The following PRUNE2 variants were observed in gnomAD, a reference collection of about 807,000 sequenced individuals.
PRUNE2 encodes prune homolog 2 with BCH domain.
PRUNE2 carries 164 observed loss-of-function variants against 252.0 expected under a neutral mutation model. The observed-to-expected ratio is 0.65, with a 90% CI of 0.57 to 0.74. The LOEUF is 0.74. Ranked by LOEUF, PRUNE2 falls within the 30% of genes least tolerant of loss-of-function variation. The probability of loss-of-function intolerance (pLI) is 0.00; values close to 1 mark genes in which losing one functional copy is unlikely to be tolerated. For missense variants in PRUNE2, 3,495 were observed against 3,711.0 expected, an observed-to-expected ratio of 0.94 and a Z score of 1.51; for synonymous variants, 1,292 against 1,350.2, an observed-to-expected ratio of 0.96 and a Z score of 0.94.
intron 6 of PRUNE2, among the ~76,000 whole-genome samples, chr9:76,820,791 T>C (rs935406086): frequency 6.6e-6 from 1 of 152,136 alleles, no homozygotes; most frequent in Non-Finnish European, 1.5e-5. Flanking sequence ...TGGAAGAAAC[T>C]GGTTGGGAGA....
At chr9:76,631,598 G>A (rs952278869) in intron 15 of PRUNE2, among the ~76,000 whole-genome samples, 1 of 152,156 alleles carries the variant, frequency 6.6e-6, no homozygotes, top group South Asian at 2.1e-4. Flanking sequence ...TCTGCTCCAG[G>A]CTTTGTGCTC....
At chr9:76,830,899 C>T (rs2058632667) in intron 4 of PRUNE2, among the ~76,000 whole-genome samples, 1 of 151,666 alleles carries the variant, frequency 6.6e-6, no homozygotes, top group Non-Finnish European at 1.5e-5. Context: ...AAAACAATTG[C>T]CCATCTAGAA....
chr9:76,872,922 T>C (rs2061299242), intron 1 of PRUNE2, among the ~76,000 whole-genome samples: 1 of 152,172 alleles, frequency 6.6e-6, no homozygotes, highest in South Asian at 2.1e-4. Flanking sequence ...ATGTAATTAG[T>C]TAAGCTGAAA....
At chr9:76,725,962 G>A (rs1312030566) in intron 6 of PRUNE2, among the ~76,000 whole-genome samples, 2 of 152,200 alleles carry the variant, frequency 1.3e-5, no homozygotes, top group African/African-American at 4.8e-5. Context: ...TGTTCCCACA[G>A]AAGCCAAGAA....
intron 6 of PRUNE2, among the ~76,000 whole-genome samples, chr9:76,789,681 C>A (rs2131366894): frequency 6.6e-6 from 1 of 152,310 alleles, no homozygotes. Flanking sequence ...ACACTTATGG[C>A]TGGGAGACAG....
At chr9:76,796,398 T>C (rs947852807) in intron 6 of PRUNE2, among the ~76,000 whole-genome samples, 2 of 152,056 alleles carry the variant, frequency 1.3e-5, no homozygotes, top group African/African-American at 4.8e-5. Flanking sequence ...CCAGGAAGGA[T>C]AGGCAAAGAA....
intron 6 of PRUNE2, among the ~76,000 whole-genome samples, chr9:76,744,729 T>C (rs1416538723): frequency 6.6e-6 from 1 of 152,108 alleles, no homozygotes; most frequent in Admixed American, 6.5e-5. Flanking sequence ...TGTTTAATCG[T>C]CCTTGAGAAA....
chr9:76,628,790 T>C (rs757436938), intron 16 of PRUNE2, among the ~76,000 whole-genome samples: 1 of 151,972 alleles, frequency 6.6e-6, no homozygotes, highest in Non-Finnish European at 1.5e-5. Flanking sequence ...AAAAATAAGA[T>C]AGTGCCATTT....
At chr9:76,776,979 A>T (rs2053871113) in intron 6 of PRUNE2, among the ~76,000 whole-genome samples, 1 of 149,882 alleles carries the variant, frequency 6.7e-6, no homozygotes, top group Admixed American at 6.7e-5. Context: ...CTCAGCGGAG[A>T]TTCTCGGCAC....
intron 16 of PRUNE2, chr9:76,624,978 T>C: frequency 1.6e-6 from 2 of 1,245,806 alleles, no homozygotes; most frequent in Non-Finnish European, 2.1e-6. Flanking sequence ...AACACTGGTG[T>C]ACACACACAG....
At chr9:76,787,344 G>C (rs530641049) in intron 6 of PRUNE2, 4 of 151,116 alleles carry the variant, frequency 2.6e-5, no homozygotes, top group African/African-American at 9.7e-5. Flanking sequence ...ATTTGATTTA[G>C]TTTCAATTTA....
rs182827041 is a variant in PRUNE2, at chr9:76,622,820, G to A, written c.9188+1632C>T. Reference sequence around the variant, plus strand: ...GTTTTGAGTTTCATTATCTAATTGGGTGTCAGTTATCTTGAAAGAAAATGA... The same window carrying A: ...GTTTTGAGTTTCATTATCTAATTGGATGTCAGTTATCTTGAAAGAAAATGA... On this transcript the variant is annotated intron_variant, in intron 17 of 18. Coordinates refer to ENST00000376718, the MANE Select transcript of PRUNE2 (RefSeq NM_015225.3). Among the ~76,000 whole-genome samples, 579 of 152,262 alleles carry A rather than the reference G, an allele frequency of 3.8e-3. 4 individuals carry two copies. Among genetic ancestry groups the A allele is most frequent in the African/African-American group, 0.013 (535 of 41,556 alleles).
chr9:76,698,570 G>A (rs774995827), intron 9 of PRUNE2, among the ~76,000 whole-genome samples: 88 of 152,222 alleles, frequency 5.8e-4, no homozygotes, highest in Non-Finnish European at 1.1e-3. Context: ...CTGGGGTACA[G>A]CTTGGTCTGC....
intron 16 of PRUNE2, chr9:76,624,964 G>C: frequency 4.3e-6 from 5 of 1,156,236 alleles, no homozygotes; most frequent in Non-Finnish European, 5.8e-6. Context: ...TCACCCACAA[G>C]TAAAACACTG....
chr9:76,874,210 T>C (rs2061366371), intron 1 of PRUNE2, among the ~76,000 whole-genome samples: 1 of 152,236 alleles, frequency 6.6e-6, no homozygotes, highest in Non-Finnish European at 1.5e-5. Flanking sequence ...ACCAGCCATA[T>C]TAAATATTCA....
chr9:76,886,020 A>C (rs1351750984), intron 1 of PRUNE2, among the ~76,000 whole-genome samples: 1 of 150,940 alleles, frequency 6.6e-6, no homozygotes, highest in South Asian at 2.1e-4. Flanking sequence ...TCTACTAAAA[A>C]TACAAAAAAA....
In PRUNE2 at chr9:76,629,225, A is replaced by T. The variant is rs752338265; in HGVS notation, c.9116T>A (p.Met3039Lys). The T allele has an allele frequency of 1.1e-5, 17 of 1,607,790 alleles. No individual in the cohort carries two copies. Among genetic ancestry groups the T allele is most frequent in the Non-Finnish European group, 1.3e-5 (15 of 1,176,462 alleles). ...GCTCTCTGGAATGTGGATGCAATCC[A>T]TTGGGATCAGCCCACTGAGTTCTGA... ...SLSELSGLIP[M>K]DCIHIPESII... is the part of the protein sequence containing the mutation. The change falls in exon 16 of 19, where the codon ATG becomes AAG. Residue 3039 changes from methionine (M) to lysine (K), a missense_variant. By Grantham distance (95) the Met-to-Lys change is moderately conservative (BLOSUM62 -1). Coordinates refer to ENST00000376718, the MANE Select transcript of PRUNE2 (RefSeq NM_015225.3).
In PRUNE2 at chr9:76,719,740, T is replaced by C. The variant is rs559567591; in HGVS notation, c.757-6019A>G. ...ATGAGTCACTGCAGACTCAACCTCC[T>C]AGGCTCAAGCTGTTCTCCCACTCAG... On this transcript the variant is annotated intron_variant, in intron 6 of 18. Coordinates refer to ENST00000376718, the MANE Select transcript of PRUNE2 (RefSeq NM_015225.3). Among the ~76,000 whole-genome samples the C allele has an allele frequency of 1.7e-3, 255 of 152,158 alleles. 2 individuals carry two copies. Among genetic ancestry groups the C allele is most frequent in the Middle Eastern group, 3.4e-3 (1 of 294 alleles).
intron 9 of PRUNE2, among the ~76,000 whole-genome samples, chr9:76,698,755 C>T (rs374341182): frequency 1.3e-5 from 2 of 152,114 alleles, no homozygotes; most frequent in Non-Finnish European, 2.9e-5. Flanking sequence ...AAAGATCTCA[C>T]GGTGTCACTC....
Sources: allele counts gnomAD v4.1 joint callset (sites outside exome capture counted in the v4.1 genomes callset), GRCh38; gene constraint gnomAD v4.1.1; transcripts MANE v1.5; gene names NCBI Gene and HGNC (gene_info 2026-07-23, HGNC 2026-07-21).